MAF: variants seen among roughly 807,000 people sequenced by gnomAD.
The protein encoded by MAF is MAF bZIP transcription factor, also known as transcription factor Maf.
A neutral mutation model predicts 22.0 loss-of-function variants in MAF; 10 were observed. That is an observed-to-expected ratio of 0.45 (90% CI 0.28 to 0.77). MAF has a LOEUF of 0.77. Ranked by LOEUF, MAF falls within the 30% of genes least tolerant of loss-of-function variation. The pLI is 0.12. For missense variants in MAF, 544 were observed against 548.4 expected (o/e 0.99, Z 0.08); for synonymous variants, 337 against 255.8 (o/e 1.32, Z -3.03).
chr16:79,253,589 G>T, the MAF span, among the ~76,000 whole-genome samples: 3 of 152,142 alleles, frequency 2.0e-5, no homozygotes, highest in Non-Finnish European at 4.4e-5. Flanking sequence ...GTGCATGCGG[G>T]AGGGTGGGGC....
chr16:79,410,983 C>T, the MAF span, among the ~76,000 whole-genome samples: 5 of 152,336 alleles, frequency 3.3e-5, no homozygotes, highest in South Asian at 8.3e-4. Flanking sequence ...CCTTAGATAT[C>T]GGTCTTAGGG....
the MAF span, among the ~76,000 whole-genome samples, chr16:79,342,780 A>T: frequency 6.6e-6 from 1 of 152,220 alleles, no homozygotes; most frequent in Non-Finnish European, 1.5e-5. Flanking sequence ...CAAAAAATAG[A>T]TGTAAAAAGC....
At chr16:79,433,913 G>A in the MAF span, among the ~76,000 whole-genome samples, 1 of 152,292 alleles carries the variant, frequency 6.6e-6, no homozygotes, top group Non-Finnish European at 1.5e-5. Context: ...CCTAGAGTTT[G>A]TTCCTTTAGA....
chr16:79,287,862 G>T, the MAF span, among the ~76,000 whole-genome samples: 1 of 152,066 alleles, frequency 6.6e-6, no homozygotes, highest in Non-Finnish European at 1.5e-5. Context: ...GCTTCTCTGT[G>T]TTAGGCAGTC....
At chr16:79,233,272 C>T in the MAF span, among the ~76,000 whole-genome samples, 3 of 152,100 alleles carry the variant, frequency 2.0e-5, no homozygotes, top group Non-Finnish European at 4.4e-5. Flanking sequence ...CAAGTGGACC[C>T]TAATACAGGT....
At chr16:79,388,643 T>A in the MAF span, among the ~76,000 whole-genome samples, 1 of 152,328 alleles carries the variant, frequency 6.6e-6, no homozygotes, top group African/African-American at 2.4e-5. Context: ...GCCAATAAAA[T>A]GGCCTAAAAA....
At chr16:79,458,803 T>A in the MAF span, among the ~76,000 whole-genome samples, 1 of 152,224 alleles carries the variant, frequency 6.6e-6, no homozygotes, top group African/African-American at 2.4e-5. Context: ...AAGGGAGATG[T>A]CACCCTTTCC....
chr16:79,410,925 G>A, the MAF span, among the ~76,000 whole-genome samples: 2 of 152,168 alleles, frequency 1.3e-5, no homozygotes, highest in Non-Finnish European at 2.9e-5. Flanking sequence ...CTTACGTGAT[G>A]TTCCAGGGAG....
the MAF span, among the ~76,000 whole-genome samples, chr16:79,507,415 C>A: frequency 2.0e-5 from 3 of 150,098 alleles, no homozygotes; most frequent in Admixed American, 6.7e-5. Context: ...CAAGCCCAGC[C>A]CTTGCATCTT....
chr16:79,561,934 G>A, the MAF span, among the ~76,000 whole-genome samples: 2 of 152,124 alleles, frequency 1.3e-5, no homozygotes, highest in African/African-American at 2.4e-5. Context: ...GGGTACAAGC[G>A]AGCCAAGAGT....
At chr16:79,328,617 A>G in the MAF span, among the ~76,000 whole-genome samples, 2 of 152,220 alleles carry the variant, frequency 1.3e-5, no homozygotes, top group Non-Finnish European at 2.9e-5. Flanking sequence ...AACGAAGACA[A>G]AGCTTATTGA....
chr16:79,324,300 G>A, the MAF span, among the ~76,000 whole-genome samples: 8 of 152,196 alleles, frequency 5.3e-5, no homozygotes, highest in Admixed American at 5.2e-4. Context: ...TGAGCAACAT[G>A]GGTTTGAATT....
the MAF span, among the ~76,000 whole-genome samples, chr16:79,507,716 C>T: frequency 8.7e-3 from 1,325 of 152,302 alleles, 7 homozygotes; most frequent in South Asian, 0.015. Context: ...TGAGCCACCG[C>T]GCCCGGCCGC....
At chr16:79,538,461 G>C in the MAF span, among the ~76,000 whole-genome samples, 1 of 152,152 alleles carries the variant, frequency 6.6e-6, no homozygotes. Flanking sequence ...AATGAAGAAA[G>C]TATGGGGGAA....
At chr16:79,536,469 C>A in the MAF span, among the ~76,000 whole-genome samples, 1 of 152,080 alleles carries the variant, frequency 6.6e-6, no homozygotes, top group Non-Finnish European at 1.5e-5. Flanking sequence ...ATGGTGAAAC[C>A]CCATCTCTAC....
At chr16:79,467,420 TG>T in the MAF span, among the ~76,000 whole-genome samples, 6 of 152,218 alleles carry the variant, frequency 3.9e-5, no homozygotes, top group African/African-American at 1.2e-4. Flanking sequence ...GGTACTGTGC[TG>T]GGTGTTTTGC....
the MAF span, among the ~76,000 whole-genome samples, chr16:79,411,698 T>G: frequency 1.3e-5 from 2 of 152,256 alleles, no homozygotes; most frequent in Non-Finnish European, 2.9e-5. Flanking sequence ...ACTGAATTAC[T>G]CTGTGCAACT....
the MAF span, among the ~76,000 whole-genome samples, chr16:79,478,387 G>C: frequency 3.9e-5 from 6 of 152,130 alleles, no homozygotes; most frequent in Non-Finnish European, 7.4e-5. Flanking sequence ...AGAGTGGTGG[G>C]ACCAGAATGG....
the MAF span, among the ~76,000 whole-genome samples, chr16:79,375,414 G>A: frequency 1.3e-5 from 2 of 152,178 alleles, no homozygotes; most frequent in Non-Finnish European, 2.9e-5. Flanking sequence ...TCCCATAAGA[G>A]AGAGCAACTG....
Sources: gnomAD v4.1 joint callset for allele counts (sites outside exome capture counted in the v4.1 genomes callset) on GRCh38, gnomAD v4.1.1 for gene constraint, MANE v1.5 for transcripts, NCBI Gene and HGNC (gene_info 2026-07-23, HGNC 2026-07-21) for gene names.